The following PTPRG variants were observed in gnomAD, a reference collection of about 807,000 sequenced individuals.
PTPRG encodes protein tyrosine phosphatase receptor type G, also known as receptor-type tyrosine-protein phosphatase gamma.
A neutral mutation model predicts 165.3 loss-of-function variants in PTPRG; 102 were observed. That is an observed-to-expected ratio of 0.62 (90% CI 0.53 to 0.73). The LOEUF is 0.73. Among genes scored for constraint, PTPRG ranks in the 30% least tolerant of loss-of-function variants. The pLI is 0.00. For missense variants in PTPRG, 1,866 were observed against 1,861.4 expected, an observed-to-expected ratio of 1.00 and a Z score of -0.05; for synonymous variants, 675 against 669.5, an observed-to-expected ratio of 1.01 and a Z score of -0.13.
intron 6 of PTPRG, among the ~76,000 whole-genome samples, chr3:62,147,973 G>A (rs550882698): frequency 6.6e-6 from 1 of 152,076 alleles, no homozygotes; most frequent in African/African-American, 2.4e-5. Flanking sequence ...GTGAAACCCC[G>A]TCTCTACTAA....
chr3:61,971,121 C>T (rs562650810), intron 2 of PTPRG, among the ~76,000 whole-genome samples: 24 of 152,312 alleles, frequency 1.6e-4, no homozygotes, highest in South Asian at 8.3e-4. Context: ...GGTGCAATCT[C>T]AGCCAACTGC....
chr3:61,901,314 G>A (rs1331099052), intron 2 of PTPRG, among the ~76,000 whole-genome samples: 1 of 152,184 alleles, frequency 6.6e-6, no homozygotes, highest in East Asian at 1.9e-4. Flanking sequence ...AACAAGGAGT[G>A]TGAAGGTTGG....
intron 1 of PTPRG, among the ~76,000 whole-genome samples, chr3:61,725,209 C>G (rs888003282): frequency 6.6e-6 from 1 of 151,948 alleles, no homozygotes; most frequent in Non-Finnish European, 1.5e-5. Flanking sequence ...GCTCTGTCAC[C>G]CAGGCTGGAG....
At chr3:61,953,103 A>G (rs1487691363) in intron 2 of PTPRG, among the ~76,000 whole-genome samples, 2 of 151,304 alleles carry the variant, frequency 1.3e-5, no homozygotes, top group Non-Finnish European at 2.9e-5. Flanking sequence ...CAAGCCCACA[A>G]TTTTCCCTAC....
intron 2 of PTPRG, among the ~76,000 whole-genome samples, chr3:61,803,576 C>T (rs1024913073): frequency 3.5e-5 from 5 of 141,186 alleles, no homozygotes; most frequent in East Asian, 2.2e-4. Context: ...CTTATGTTCA[C>T]GTTTTACTGC....
chr3:61,691,083 A>G (rs185840389), intron 1 of PTPRG, among the ~76,000 whole-genome samples: 32 of 151,036 alleles, frequency 2.1e-4, no homozygotes, highest in Non-Finnish European at 4.0e-4. Flanking sequence ...TATATATGAC[A>G]TGGAAAAATG....
chr3:62,094,076 C>T (rs369023718), intron 5 of PTPRG, among the ~76,000 whole-genome samples: 5 of 152,136 alleles, frequency 3.3e-5, no homozygotes, highest in East Asian at 3.9e-4. Context: ...AAAGTAGGGA[C>T]TTCTATCCCC....
At chr3:61,805,771 G>A (rs2035395952) in intron 2 of PTPRG, among the ~76,000 whole-genome samples, 1 of 152,142 alleles carries the variant, frequency 6.6e-6, no homozygotes, top group Non-Finnish European at 1.5e-5. Flanking sequence ...AGGACAGAAG[G>A]GAGATTTCCC....
intron 14 of PTPRG, among the ~76,000 whole-genome samples, chr3:62,232,990 A>T (rs1700940675): frequency 6.6e-6 from 1 of 152,196 alleles, no homozygotes; most frequent in South Asian, 2.1e-4. Context: ...TTATCTAGAA[A>T]ATGAGTCTAA....
intron 2 of PTPRG, among the ~76,000 whole-genome samples, chr3:61,913,790 AAGTGAACATACTT>A (rs2038863348): frequency 6.6e-6 from 1 of 152,312 alleles, no homozygotes; most frequent in African/African-American, 2.4e-5. Flanking sequence ...ATTACACCTG[AAGTGAACATACTT>A]GGTTATGTGA....
chr3:61,790,371 A>G (rs1229174401), intron 2 of PTPRG, among the ~76,000 whole-genome samples: 3 of 152,178 alleles, frequency 2.0e-5, no homozygotes, highest in African/African-American at 4.8e-5. Flanking sequence ...TTGGGCATCT[A>G]TTTATTACAA....
intron 2 of PTPRG, among the ~76,000 whole-genome samples, chr3:61,805,105 A>G (rs928273945): frequency 4.6e-5 from 7 of 152,144 alleles, no homozygotes; most frequent in Non-Finnish European, 7.3e-5. Context: ...GCTGACCTTC[A>G]TCATTCTAAG....
At chr3:61,690,913 A>C (rs2030154181) in intron 1 of PTPRG, among the ~76,000 whole-genome samples, 1 of 151,948 alleles carries the variant, frequency 6.6e-6, no homozygotes, top group African/African-American at 2.4e-5. Flanking sequence ...TGTTTCTTTT[A>C]CATCTCTGAG....
intron 5 of PTPRG, among the ~76,000 whole-genome samples, chr3:62,104,911 G>T (rs982580722): frequency 1.3e-5 from 2 of 152,126 alleles, no homozygotes; most frequent in Non-Finnish European, 2.9e-5. Context: ...GCCTAGAAGT[G>T]TAGTAATCAA....
At chr3:62,077,885 C>A (rs1215749368) in intron 4 of PTPRG, among the ~76,000 whole-genome samples, 2 of 151,872 alleles carry the variant, frequency 1.3e-5, no homozygotes, top group Admixed American at 6.6e-5. Context: ...GCCTGTAATC[C>A]CAGCTATTCG....
intron 12 of PTPRG, 131 bp downstream of exon 12, chr3:62,204,081 A>G: frequency 2.9e-6 from 4 of 1,401,840 alleles, no homozygotes; most frequent in Non-Finnish European, 3.7e-6. Flanking sequence ...TGTCTGTCAT[A>G]GAAAAGGTGC....
intron 2 of PTPRG, among the ~76,000 whole-genome samples, chr3:61,860,058 T>G (rs1044921926): frequency 6.6e-6 from 1 of 152,218 alleles, no homozygotes; most frequent in Non-Finnish European, 1.5e-5. Context: ...CACTGAGGGA[T>G]TCCTGTTTGT....
At chr3:61,838,198 T>G (rs1244748796) in intron 2 of PTPRG, among the ~76,000 whole-genome samples, 1 of 152,178 alleles carries the variant, frequency 6.6e-6, no homozygotes, top group African/African-American at 2.4e-5. Context: ...TGCTCAGAAT[T>G]ATTGTCCTGA....
Position 61,859,191 on chromosome 3 carries a change from A to G in PTPRG, c.190+110209A>G, listed in dbSNP as rs534099941. Among the ~76,000 whole-genome samples the G allele has an allele frequency of 4.6e-5, 7 of 152,326 alleles. No homozygotes were observed. The Middle Eastern group carries it at 0.02, about 444-fold the overall frequency. ...TATATAGTAATGTTTTAAAGCTTTT[A>G]TTAATGCTGGGGTTCTTTATAATGA... On this transcript the variant is annotated intron_variant, in intron 2 of 29. Coordinates refer to ENST00000474889, the MANE Select transcript of PTPRG (RefSeq NM_002841.4).
Sources: allele counts gnomAD v4.1 joint callset (sites outside exome capture counted in the v4.1 genomes callset), GRCh38; gene constraint gnomAD v4.1.1; transcripts MANE v1.5; gene names NCBI Gene and HGNC (gene_info 2026-07-23, HGNC 2026-07-21).